The following PLEKHG5 variants were observed in gnomAD, a reference collection of about 807,000 sequenced individuals.
The protein encoded by PLEKHG5 is pleckstrin homology domain-containing family G member 5.
In PLEKHG5, 52 loss-of-function variants were observed where a neutral mutation model predicts 103.8. The ratio of observed to expected loss-of-function variants is 0.50; its 90% CI spans 0.40 to 0.63. PLEKHG5 has a LOEUF of 0.63. PLEKHG5 is among the 30% of genes least tolerant of loss of function. PLEKHG5 has a pLI of 0.00. For missense variants in PLEKHG5, 1,205 were observed against 1,347.6 expected (o/e 0.89, Z 1.66); for synonymous variants, 592 against 575.5 (o/e 1.03, Z -0.41).
At position 6,477,643 on chromosome 1, in the gene PLEKHG5, C is replaced by T. The variant is rs779331548; in HGVS notation, c.-72G>A. 7 of 1,604,880 alleles carry T rather than the reference C, an allele frequency of 4.4e-6. No homozygotes were observed. Among genetic ancestry groups the T allele is most frequent in the Middle Eastern group, 1.6e-4 (1 of 6,082 alleles). On this transcript the variant is annotated 5_prime_UTR_variant, in exon 2 of 21. Coordinates refer to ENST00000377728, the MANE Select transcript of PLEKHG5 (RefSeq NM_020631.6). Reference sequence around the variant, plus strand: ...CCCCGGCGGTGCAGCTGCTGGCAGTCGGCGTGGTGACATACCTGGGGTGGG... The same window carrying T: ...CCCCGGCGGTGCAGCTGCTGGCAGTTGGCGTGGTGACATACCTGGGGTGGG...
chr1:6,468,226 C>A lies in PLEKHG5; in HGVS notation c.2610G>T (p.Pro870=), dbSNP rs373880458. ...RRTPVQLLSC[P]PHLLKSKSEA... ...CGGACTTAGACTTGAGCAGGTGGGG[C>A]GGGCAGCTCAACAGCTGGACAGGGG... The change falls in exon 20 of 21, where the codon CCG becomes CCT. Residue 870 remains proline, a synonymous_variant. Transcript: ENST00000377728. 6.3e-7 allele frequency: 1 copy of A among 1,589,390 alleles called. No individual in the cohort carries two copies. The highest frequency in any genetic ancestry group is 8.6e-7 in the Non-Finnish European group (1 of 1,165,268).
chr1:6,482,429 G>T (rs1381242436), intron 1 of PLEKHG5, among the ~76,000 whole-genome samples: 1 of 152,216 alleles, frequency 6.6e-6, no homozygotes, highest in Non-Finnish European at 1.5e-5. Flanking sequence ...GATAGGCGTG[G>T]TGAGGATAGC....
upstream of PLEKHG5, among the ~76,000 whole-genome samples, chr1:6,497,951 G>A (rs577535797): frequency 1.3e-5 from 2 of 152,236 alleles, no homozygotes; most frequent in African/African-American, 4.8e-5. This position sits in a 1 kb window ranked among gnomAD's most constrained non-coding sequence, Gnocchi z 6.1. Flanking sequence ...TGCCCAGACC[G>A]AGCTGCAGAG....
chr1:6,492,296 GTCC>G (rs1318675653), upstream of PLEKHG5, among the ~76,000 whole-genome samples: 1 of 152,118 alleles, frequency 6.6e-6, no homozygotes. Context: ...GGCCACAAGT[GTCC>G]TCCTCCATGC....
intron 2 of PLEKHG5, among the ~76,000 whole-genome samples, chr1:6,477,007 C>T (rs1202887762): frequency 6.6e-6 from 1 of 152,166 alleles, no homozygotes; most frequent in African/African-American, 2.4e-5. Flanking sequence ...GGAAAGGACT[C>T]GGGGGTTGGC....
rs1644592856 is a variant in PLEKHG5 at position 6,471,647 on chromosome 1, G to A, written c.1132-10C>T. On this transcript the variant is annotated splice_polypyrimidine_tract_variant and intron_variant, in intron 11 of 20. Transcript: ENST00000377728. ...GGCGCTCCGCCTCCACCTGGGCGCG[G>A]CGGGAGGTGCGGTTGGCCACGCCCC... 1.3e-6 allele frequency: 2 copies of A among 1,571,456 alleles called. No homozygotes were observed. The highest frequency in any genetic ancestry group is 1.2e-5 in the South Asian group (1 of 86,212).
intron 1 of PLEKHG5, among the ~76,000 whole-genome samples, chr1:6,503,705 C>A (rs538661379): frequency 6.6e-6 from 1 of 152,164 alleles, no homozygotes; most frequent in Non-Finnish European, 1.5e-5. Context: ...CCACCGTGCC[C>A]GGCCTACCCT....
upstream of PLEKHG5, chr1:6,497,168 C>A: frequency 1.1e-6 from 1 of 918,444 alleles, no homozygotes; most frequent in South Asian, 1.4e-5. The surrounding 1 kb of genome is among the most constrained non-coding windows in gnomAD (Gnocchi z 6.1). Flanking sequence ...AGGCAGGCCC[C>A]GACTTGGGGG....
rs910647086 is a variant in PLEKHG5, at chr1:6,468,087, G to C, written c.2749C>G (p.Gln917Glu). 6.3e-7 allele frequency: 1 copy of C among 1,586,206 alleles called. No homozygotes were observed. Among genetic ancestry groups the C allele is most frequent in the Non-Finnish European group, 8.6e-7 (1 of 1,167,830 alleles). The change falls in exon 20 of 21, where the codon CAG (glutamine) becomes GAG (glutamate). Residue 917 changes from glutamine to glutamate, a missense_variant. Transcript: ENST00000377728. ...LAVPAPGIRT[Q>E]GSPQEAGPSW... is the part of the protein sequence containing the mutation. ...GGCCCAGCTTCCTGAGGGGAGCCCT[G>C]AGTCCTAATACCTGGGGCTGGAACA... is the stretch of plus-strand genomic sequence containing the variant.
chr1:6,484,679 C>T (rs1409597253), intron 1 of PLEKHG5, among the ~76,000 whole-genome samples: 1 of 152,182 alleles, frequency 6.6e-6, no homozygotes, highest in Admixed American at 6.5e-5. Flanking sequence ...AGCCCCTTCT[C>T]TCAGACCCAA....
In PLEKHG5 at chr1:6,467,968, C is replaced by G; in HGVS notation, c.2868G>C (p.Arg956Ser). 1 of 1,563,126 alleles carries G rather than the reference C, an allele frequency of 6.4e-7. No homozygotes were observed. The highest frequency in any genetic ancestry group is 8.7e-7 in the Non-Finnish European group (1 of 1,155,814). ...AGGCCCCCGAGGGCAGGTCTCCACA[C>G]CTCTTCCTGTGGGAGCCTGCAGGTT... ...AGEPAGSHRK[R>S]CGDLPSGASP... The change falls in exon 20 of 21, where the codon AGG (arginine) becomes AGC (serine). Residue 956 changes from arginine (R) to serine (S), a missense_variant. Coordinates refer to ENST00000377728, the MANE Select transcript of PLEKHG5 (RefSeq NM_020631.6).
At chr1:6,514,875 C>T (rs1638572692) in intron 1 of PLEKHG5, among the ~76,000 whole-genome samples, 1 of 151,616 alleles carries the variant, frequency 6.6e-6, no homozygotes, top group South Asian at 2.1e-4. Flanking sequence ...TAAGACCAGC[C>T]TGGCCAACAT....
intron 12 of PLEKHG5, 105 bp from the exon 13 acceptor site, chr1:6,471,205 AC>A (rs1289926397): frequency 3.2e-6 from 3 of 942,404 alleles, no homozygotes; most frequent in African/African-American, 3.3e-5. Flanking sequence ...TTGGGCGACC[AC>A]CCCAAGGGGG....
Position 6,473,413 on chromosome 1 carries a change from C to A in PLEKHG5, c.633G>T (p.Gly211=), listed in dbSNP as rs1365704916. ...GCTCCTGCCCGGGGATGCTCGCCTC[C>A]CCCAGGAACTCCGACATGTTCTTGC... ...RRRKNMSEFL[G]EASIPGQEPP... Residue 211 remains glycine, a synonymous_variant, in exon 8 of 21, where the codon GGG becomes GGT. Coordinates refer to ENST00000377728, the MANE Select transcript of PLEKHG5 (RefSeq NM_020631.6). 3 of 1,542,830 alleles carry A rather than the reference C, an allele frequency of 1.9e-6. No individual in the cohort carries two copies. The highest frequency in any genetic ancestry group is 2.6e-6 in the Non-Finnish European group (3 of 1,143,360).
chr1:6,471,540 C>T lies in PLEKHG5; in HGVS notation c.1229G>A (p.Arg410Gln), dbSNP rs763538659. 1 of 1,608,756 alleles carries T rather than the reference C, an allele frequency of 6.2e-7. No individual in the cohort carries two copies. Among genetic ancestry groups the T allele is most frequent in the African/African-American group, 1.3e-5 (1 of 74,872 alleles). Residue 410 changes from arginine (R) to glutamine (Q), a missense_variant, in exon 12 of 21, where the codon CGG (arginine) becomes CAG (glutamine). Coordinates refer to ENST00000377728, the MANE Select transcript of PLEKHG5 (RefSeq NM_020631.6). ...GGGCTGTAGCAGCGCTCGCGTGCGCCGCGCCTTCTCCAGCACCGGCGCCAT... is the reference window on the plus strand; with the variant it reads ...GGGCTGTAGCAGCGCTCGCGTGCGCTGCGCCTTCTCCAGCACCGGCGCCAT... Reference protein sequence around the residue: ...SVMAPVLEKARRTRALLQPGD... With the variant: ...SVMAPVLEKAQRTRALLQPGD...
intron 1 of PLEKHG5, among the ~76,000 whole-genome samples, chr1:6,508,265 G>A (rs1233588665): frequency 6.6e-6 from 1 of 152,186 alleles, no homozygotes; most frequent in Non-Finnish European, 1.5e-5. Flanking sequence ...CCAAGAGGAG[G>A]AGGCCGGGCT....
chr1:6,491,005 T>A lies in PLEKHG5; in HGVS notation c.-88+632A>T, dbSNP rs983176926. Among the ~76,000 whole-genome samples the A allele has an allele frequency of 1.3e-5, 2 of 151,920 alleles. No homozygotes were observed. The highest frequency in any genetic ancestry group is 4.8e-5 in the African/African-American group (2 of 41,344). ...CGCCCCGGAATCGCCCTGAGCCAGG[T>A]TCGCTTCCGCTCTATTGTAAAAAGC... On this transcript the variant is annotated intron_variant, in intron 1 of 20. Transcript: ENST00000377728. This position sits in a 1 kb window ranked among gnomAD's most constrained non-coding sequence, Gnocchi z 4.1.
At chr1:6,496,245 G>C (rs934842215), upstream of PLEKHG5, among the ~76,000 whole-genome samples, 1 of 152,268 alleles carries the variant, frequency 6.6e-6, no homozygotes, top group Non-Finnish European at 1.5e-5. Flanking sequence ...CCACAGTGCA[G>C]CAAAGGGCTT....
chr1:6,497,727 C>A (rs1645249751), upstream of PLEKHG5, among the ~76,000 whole-genome samples: 1 of 152,184 alleles, frequency 6.6e-6, no homozygotes, highest in Non-Finnish European at 1.5e-5. The surrounding 1 kb of genome is among the most constrained non-coding windows in gnomAD (Gnocchi z 6.1). Context: ...CCCGGAATCG[C>A]TGTCTCCGAG....
Sources: gnomAD v4.1 joint callset for allele counts (sites outside exome capture counted in the v4.1 genomes callset) on GRCh38, gnomAD v4.1.1 for gene constraint, Gnocchi (gnomAD v3.1) non-coding constraint, MANE v1.5 for transcripts, NCBI Gene and HGNC (gene_info 2026-07-23, HGNC 2026-07-21) for gene names.